The following METTL16 variants were observed in gnomAD, a reference collection of about 807,000 sequenced individuals.
METTL16 encodes methyltransferase 16, RNA N6-adenosine, also known as RNA N(6)-adenosine-methyltransferase METTL16.
A neutral mutation model predicts 57.9 loss-of-function variants in METTL16; 19 were observed. The ratio of observed to expected loss-of-function variants is 0.33; its 90% CI spans 0.23 to 0.48. The LOEUF is 0.48. Among genes scored for constraint, METTL16 ranks in the 20% least tolerant of loss-of-function variants. The pLI, the probability that METTL16 is intolerant of heterozygous loss-of-function variation, is 0.99. For synonymous variants in METTL16, 246 were observed against 255.6 expected, an observed-to-expected ratio of 0.96 and a Z score of 0.36; for missense variants, 434 against 691.5, an observed-to-expected ratio of 0.63 and a Z score of 4.18.
At chr17:2,508,134 A>C (rs2067561561) in intron 1 of METTL16, among the ~76,000 whole-genome samples, 1 of 152,198 alleles carries the variant, frequency 6.6e-6, no homozygotes, top group Admixed American at 6.5e-5. Flanking sequence ...AAAAAAAAAA[A>C]AAAAGACAAA....
At chr17:2,504,827 C>T (rs912015923) in intron 1 of METTL16, among the ~76,000 whole-genome samples, 4 of 152,158 alleles carry the variant, frequency 2.6e-5, no homozygotes, top group African/African-American at 9.7e-5. Flanking sequence ...CTGCCTCAGC[C>T]TCCCAAAGTG....
intron 6 of METTL16, among the ~76,000 whole-genome samples, chr17:2,451,570 G>T (rs367950526): frequency 4.0e-5 from 6 of 151,612 alleles, no homozygotes; most frequent in Admixed American, 2.0e-4. Context: ...GCAGTGAGCT[G>T]AGATGGTGGC....
chr17:2,480,110 C>T (rs1319775463), intron 2 of METTL16, among the ~76,000 whole-genome samples: 1 of 150,104 alleles, frequency 6.7e-6, no homozygotes, highest in Non-Finnish European at 1.5e-5. Context: ...CGCTTGAACC[C>T]GGAAGGCAGA....
chr17:2,509,911 CAA>C (rs776727388), intron 1 of METTL16, among the ~76,000 whole-genome samples: 8 of 105,300 alleles, frequency 7.6e-5, no homozygotes, highest in Admixed American at 1.0e-4. Flanking sequence ...CACTCCGTCT[CAA>C]AAAAAAAAAA....
chr17:2,454,560 ATTATTTTT>A (rs1305950503), intron 6 of METTL16, among the ~76,000 whole-genome samples: 1 of 139,028 alleles, frequency 7.2e-6, no homozygotes, highest in Non-Finnish European at 1.5e-5. Context: ...TATTATTATT[ATTATTTTT>A]TTTTTTTTTT....
At chr17:2,497,687 T>C (rs2151578445) in intron 2 of METTL16, among the ~76,000 whole-genome samples, 1 of 151,726 alleles carries the variant, frequency 6.6e-6, no homozygotes, top group Admixed American at 6.5e-5. Context: ...CAGGTACCTT[T>C]AGATATGTTG....
At chr17:2,445,236 T>C (rs944860432) in intron 6 of METTL16, among the ~76,000 whole-genome samples, 10 of 152,154 alleles carry the variant, frequency 6.6e-5, no homozygotes, top group Admixed American at 2.0e-4. Flanking sequence ...AAACTGCCCA[T>C]GGTATTCAAT....
intron 4 of METTL16, among the ~76,000 whole-genome samples, chr17:2,472,595 T>A (rs1227839966): frequency 6.6e-6 from 1 of 151,184 alleles, no homozygotes; most frequent in Non-Finnish European, 1.5e-5. Flanking sequence ...TAATGGAATA[T>A]CAAAATGAAA....
chr17:2,502,901 T>C (rs1464383791), intron 1 of METTL16, among the ~76,000 whole-genome samples: 2 of 152,042 alleles, frequency 1.3e-5, no homozygotes, highest in African/African-American at 2.4e-5. Context: ...GGATGGCTGC[T>C]GTCAACAAAA....
intron 8 of METTL16, among the ~76,000 whole-genome samples, chr17:2,421,117 G>T (rs1267800724): frequency 6.6e-6 from 1 of 152,136 alleles, no homozygotes; most frequent in Non-Finnish European, 1.5e-5. Flanking sequence ...ACTTTGGGGG[G>T]CCATGGCAGG....
intron 6 of METTL16, 106 bp downstream of exon 6, chr17:2,464,102 A>T: frequency 8.2e-7 from 1 of 1,221,198 alleles, no homozygotes; most frequent in Non-Finnish European, 1.1e-6. Context: ...CAGCCTGGCA[A>T]CAAGAGCAAG....
rs1567881634 is a variant in METTL16, at chr17:2,428,589, ATATATATATATAT to A, written c.889-7698_889-7686del. 1.9e-3 allele frequency among the ~76,000 whole-genome samples: 96 copies of A among 49,946 alleles called. 3 individuals are homozygous for A. Among genetic ancestry groups the A allele is most frequent in the African/African-American group, 8.7e-3 (95 of 10,888 alleles). 32.8% of individuals were successfully genotyped at this position (49,946 alleles called of 152,430 possible). On this transcript the variant is annotated intron_variant, in intron 8 of 9. Transcript: ENST00000263092. ...AATATATATATATATATATATATAT[ATATATATATATAT>A]AAATTGTAATACAGCGGGGCACAGT... is the stretch of plus-strand genomic sequence containing the variant.
At chr17:2,448,468 A>G (rs2067033478) in intron 6 of METTL16, among the ~76,000 whole-genome samples, 1 of 45,564 alleles carries the variant, frequency 2.2e-5, no homozygotes. Flanking sequence ...TCTCTGAAAC[A>G]TGTGCTGTGT....
At chr17:2,495,052 A>G (rs1350215992) in intron 2 of METTL16, among the ~76,000 whole-genome samples, 1 of 151,496 alleles carries the variant, frequency 6.6e-6, no homozygotes, top group African/African-American at 2.4e-5. Context: ...AGATGCCATT[A>G]AAAACATTCA....
intron 2 of METTL16, among the ~76,000 whole-genome samples, chr17:2,500,255 A>G (rs888803868): frequency 1.3e-5 from 2 of 151,994 alleles, no homozygotes; most frequent in African/African-American, 4.8e-5. Context: ...CTCAAGCCCT[A>G]TGATCCTAAT....
chr17:2,419,460 C>T lies in METTL16; in HGVS notation c.*510G>A. On this transcript the variant is annotated 3_prime_UTR_variant, in exon 10 of 10. Transcript: ENST00000263092. Reference sequence around the variant, plus strand: ...TAAGGTTTCTCTCCCAGATTCCCCACCACCCACCATACAGCTCCCTTTGTG... The same window carrying T: ...TAAGGTTTCTCTCCCAGATTCCCCATCACCCACCATACAGCTCCCTTTGTG... 3.0e-6 allele frequency: 1 copy of T among 336,964 alleles called. No homozygotes were observed. Among genetic ancestry groups the T allele is most frequent in the Non-Finnish European group, 5.9e-6 (1 of 169,434 alleles). The allele number at this position is 336,964 out of a possible 1,614,324, so 20.9% of individuals were successfully genotyped here.
intron 8 of METTL16, among the ~76,000 whole-genome samples, chr17:2,429,712 C>G (rs143378012): frequency 6.6e-6 from 1 of 151,936 alleles, no homozygotes; most frequent in Non-Finnish European, 1.5e-5. Context: ...TGCCTCCATA[C>G]GATAGTATAT....
chr17:2,429,780 A>C (rs2066855929), intron 8 of METTL16, among the ~76,000 whole-genome samples: 1 of 151,710 alleles, frequency 6.6e-6, no homozygotes, highest in African/African-American at 2.4e-5. Flanking sequence ...AAAAAAGAAC[A>C]ATCAACCCTG....
chr17:2,489,122 AT>A (rs1451512120), intron 2 of METTL16, among the ~76,000 whole-genome samples: 1 of 131,576 alleles, frequency 7.6e-6, no homozygotes, highest in Admixed American at 7.6e-5. Flanking sequence ...TTTTTTTTTT[AT>A]TTTTTTTTAT....
Sources: gnomAD v4.1 joint callset for allele counts (sites outside exome capture counted in the v4.1 genomes callset) on GRCh38, gnomAD v4.1.1 for gene constraint, MANE v1.5 for transcripts, NCBI Gene and HGNC (gene_info 2026-07-23, HGNC 2026-07-21) for gene names.